LRMDA: variants seen among roughly 807,000 people sequenced by gnomAD.
The protein encoded by LRMDA is leucine rich melanocyte differentiation associated, also known as leucine-rich melanocyte differentiation-associated protein.
A neutral mutation model predicts 29.8 loss-of-function variants in LRMDA; 18 were observed. The ratio of observed to expected loss-of-function variants is 0.60; its 90% CI spans 0.42 to 0.90. The LOEUF (loss-of-function observed/expected upper bound fraction) is 0.90. Among genes scored for constraint, LRMDA ranks in the 40% least tolerant of loss-of-function variants. The pLI, the probability that LRMDA is intolerant of heterozygous loss-of-function variation, is 0.00. For synonymous variants in LRMDA, 125 were observed against 109.4 expected (o/e 1.14, Z -0.89); for missense variants, 273 against 273.9 (o/e 1.00, Z 0.02).
intron 4 of LRMDA, among the ~76,000 whole-genome samples, chr10:76,054,445 C>T (rs896015389): frequency 6.6e-6 from 1 of 152,030 alleles, no homozygotes; most frequent in Non-Finnish European, 1.5e-5. Flanking sequence ...CTCTGTCTCT[C>T]TCTTTCTCCT....
intron 2 of LRMDA, among the ~76,000 whole-genome samples, chr10:76,021,761 G>T (rs897483363): frequency 2.0e-5 from 3 of 152,186 alleles, no homozygotes; most frequent in African/African-American, 7.2e-5. Flanking sequence ...GAGAGAGAAG[G>T]AGAGACCTGC....
intron 2 of LRMDA, among the ~76,000 whole-genome samples, chr10:75,589,026 C>T (rs1840689511): frequency 6.6e-6 from 1 of 152,150 alleles, no homozygotes. Context: ...GGACATTGTG[C>T]TTGTTTTCTT....
intron 2 of LRMDA, among the ~76,000 whole-genome samples, chr10:75,600,591 A>G (rs1218277082): frequency 6.6e-6 from 1 of 152,222 alleles, no homozygotes; most frequent in Non-Finnish European, 1.5e-5. Context: ...TCAAAGTGCC[A>G]GAAGAAAAGG....
chr10:75,633,185 C>T (rs1002361508), intron 2 of LRMDA, among the ~76,000 whole-genome samples: 6 of 152,172 alleles, frequency 3.9e-5, no homozygotes, highest in African/African-American at 1.4e-4. Flanking sequence ...CTTTTAGATC[C>T]TGGCCTGGTT....
At chr10:75,693,504 A>G (rs549443851) in intron 2 of LRMDA, among the ~76,000 whole-genome samples, 1 of 152,310 alleles carries the variant, frequency 6.6e-6, no homozygotes, top group Admixed American at 6.5e-5. Flanking sequence ...GTACCCTGTT[A>G]TCCTTTAATT....
intron 5 of LRMDA, among the ~76,000 whole-genome samples, chr10:76,098,199 T>A (rs1028754154): frequency 6.6e-6 from 1 of 152,210 alleles, no homozygotes; most frequent in African/African-American, 2.4e-5. Flanking sequence ...TCCCTCCTAT[T>A]TTCTAGAAGC....
intron 5 of LRMDA, among the ~76,000 whole-genome samples, chr10:76,064,371 T>C (rs920325638): frequency 3.3e-5 from 5 of 152,150 alleles, no homozygotes; most frequent in Admixed American, 6.5e-5. Context: ...GAGTCCTCCT[T>C]CTTTCTCAAC....
At chr10:76,423,697 A>T (rs1842092926) in intron 6 of LRMDA, among the ~76,000 whole-genome samples, 1 of 152,218 alleles carries the variant, frequency 6.6e-6, no homozygotes, top group Non-Finnish European at 1.5e-5. Flanking sequence ...TTGGTAATAA[A>T]TTCTAGTCCC....
chr10:76,035,950 A>T (rs1483278031), intron 2 of LRMDA, 58 bp from the exon 3 acceptor site: 2 of 1,580,336 alleles, frequency 1.3e-6, no homozygotes, highest in Non-Finnish European at 1.7e-6. Flanking sequence ...ATTTCGGCTC[A>T]TAATGGCCTC....
intron 6 of LRMDA, among the ~76,000 whole-genome samples, chr10:76,387,680 T>C (rs1291509133): frequency 6.6e-6 from 1 of 151,810 alleles, no homozygotes; most frequent in Non-Finnish European, 1.5e-5. Flanking sequence ...AACTTAAATT[T>C]AAATTTTTTA....
At position 75,608,520 on chromosome 10, in the gene LRMDA, G is replaced by A. The variant is rs1465767526; in HGVS notation, c.131+170026G>A. Among the ~76,000 whole-genome samples the A allele has an allele frequency of 2.6e-5, 4 of 152,098 alleles. No homozygotes were observed. The East Asian group carries it at 7.7e-4, about 29-fold the overall frequency. ...ACACAAAAAATGGTAACTATGTGAA[G>A]AGAAGACTACATTAATTAGTTTGAC... is the stretch of plus-strand genomic sequence containing the variant. On this transcript the variant is annotated intron_variant, in intron 2 of 6. Coordinates refer to ENST00000611255, the MANE Select transcript of LRMDA (RefSeq NM_001305581.2).
chr10:76,289,422 A>G (rs1840311627), intron 5 of LRMDA, among the ~76,000 whole-genome samples: 1 of 152,100 alleles, frequency 6.6e-6, no homozygotes, highest in African/African-American at 2.4e-5. Flanking sequence ...TATTTTTTTC[A>G]ACATCTCCTC....
intron 5 of LRMDA, among the ~76,000 whole-genome samples, chr10:76,244,873 A>G (rs1355244563): frequency 3.3e-5 from 5 of 152,210 alleles, no homozygotes. Context: ...CTTCTGAGGC[A>G]TGAGAACGAT....
At chr10:76,517,957 T>TAC (rs201795092) in intron 6 of LRMDA, among the ~76,000 whole-genome samples, 1 of 147,640 alleles carries the variant, frequency 6.8e-6, no homozygotes, top group East Asian at 2.0e-4. Flanking sequence ...TATATATATA[T>TAC]GTAATCAAGA....
At chr10:75,552,786 A>G (rs148999567) in intron 2 of LRMDA, among the ~76,000 whole-genome samples, 15 of 147,316 alleles carry the variant, frequency 1.0e-4, no homozygotes, top group African/African-American at 3.0e-4. Context: ...GATCATTTCT[A>G]CTCACCTATC....
At chr10:76,363,257 A>AGGAC in intron 6 of LRMDA, among the ~76,000 whole-genome samples, 1 of 55,990 alleles carries the variant, frequency 1.8e-5, no homozygotes, top group South Asian at 4.7e-4. Flanking sequence ...GAAAGAAAGA[A>AGGAC]GGAAGGAAGG....
At chr10:75,490,336 TAC>T (rs56077469) in intron 2 of LRMDA, among the ~76,000 whole-genome samples, 2,003 of 148,574 alleles carry the variant, frequency 0.013, 16 homozygotes, top group Middle Eastern at 0.038. Flanking sequence ...CATGTACACA[TAC>T]ACACACACAC....
chr10:76,484,423 G>T (rs1403575358), intron 6 of LRMDA, among the ~76,000 whole-genome samples: 1 of 151,812 alleles, frequency 6.6e-6, no homozygotes. Flanking sequence ...TATAATATGA[G>T]TCTTTCATTC....
chr10:76,055,949 G>A (rs1020391642), intron 4 of LRMDA, among the ~76,000 whole-genome samples: 27 of 152,210 alleles, frequency 1.8e-4, no homozygotes, highest in Admixed American at 1.4e-3. Flanking sequence ...GCGAGTGGGG[G>A]GACATGTTTC....
Sources: allele counts gnomAD v4.1 joint callset (sites outside exome capture counted in the v4.1 genomes callset), GRCh38; gene constraint gnomAD v4.1.1; transcripts MANE v1.5; gene names NCBI Gene and HGNC (gene_info 2026-07-23, HGNC 2026-07-21).